The following NIM1K variants were observed in gnomAD, a reference collection of about 807,000 sequenced individuals.
NIM1K encodes serine/threonine-protein kinase NIM1.
In NIM1K, 35 loss-of-function variants were observed where a neutral mutation model predicts 37.1. The ratio of observed to expected loss-of-function variants is 0.94; its 90% CI spans 0.72 to 1.25. The LOEUF (loss-of-function observed/expected upper bound fraction) is 1.25. Ranked by LOEUF, NIM1K falls within the 50% of genes most tolerant of loss-of-function variation. The pLI, the probability that NIM1K is intolerant of heterozygous loss-of-function variation, is 0.00. For missense variants in NIM1K, 564 were observed against 548.0 expected (o/e 1.03, Z -0.29); for synonymous variants, 234 against 206.6 (o/e 1.13, Z -1.14).
chr5:43,252,835 G>A (rs71627593), intron 2 of NIM1K, among the ~76,000 whole-genome samples: 6,860 of 152,146 alleles, frequency 0.045, 185 homozygotes, highest in Middle Eastern at 0.12. Flanking sequence ...AAAAGAAGTG[G>A]CAGCGAATGT....
At chr5:43,272,337 T>A (rs952234288) in intron 2 of NIM1K, among the ~76,000 whole-genome samples, 6 of 151,710 alleles carry the variant, frequency 4.0e-5, no homozygotes, top group Admixed American at 2.0e-4. Flanking sequence ...CAGGAGTACA[T>A]CCCCCTGTTT....
intron 1 of NIM1K, among the ~76,000 whole-genome samples, chr5:43,216,166 A>T (rs1245482806): frequency 2.0e-5 from 3 of 152,022 alleles, no homozygotes; most frequent in African/African-American, 7.3e-5. Context: ...AAAATGTAGT[A>T]TTGTTTTGTA....
Position 43,280,673 on chromosome 5 carries a change from G to A in NIM1K, c.1255G>A (p.Gly419Arg), listed in dbSNP as rs1430763372. Residue 419 changes from glycine to arginine, a missense_variant, in exon 4 of 4, where the codon GGG becomes AGG. By Grantham distance (125) the Gly-to-Arg change is moderately radical. Coordinates refer to ENST00000326035, the MANE Select transcript of NIM1K (RefSeq NM_153361.4). ...CCCTAAAGAAAGAGACCTCAAAAAA[G>A]GGTCCCGTGTCTACAGAGGGATAAG... is the stretch of plus-strand genomic sequence containing the variant. ...PDPKERDLKK[G>R]SRVYRGIRHT... 1 of 1,613,356 alleles carries A rather than the reference G, an allele frequency of 6.2e-7. No homozygotes were observed. The highest frequency in any genetic ancestry group is 1.3e-5 in the African/African-American group (1 of 74,838).
chr5:43,279,455 G>C (rs1430003498), intron 3 of NIM1K, among the ~76,000 whole-genome samples: 2 of 152,158 alleles, frequency 1.3e-5, no homozygotes, highest in Non-Finnish European at 1.5e-5. Flanking sequence ...AGGATGCAAG[G>C]GTGGGAGTGG....
chr5:43,213,980 TTTC>T (rs1290959843), intron 1 of NIM1K, among the ~76,000 whole-genome samples: 4 of 144,380 alleles, frequency 2.8e-5, no homozygotes, highest in African/African-American at 9.9e-5. Context: ...CTTCTCTTTC[TTTC>T]TTTTTTTTTT....
intron 1 of NIM1K, among the ~76,000 whole-genome samples, chr5:43,208,361 T>C (rs563461608): frequency 2.6e-5 from 4 of 151,980 alleles, no homozygotes; most frequent in African/African-American, 9.6e-5. Context: ...TCCCAACACT[T>C]TGGGAGGCCG....
At chr5:43,264,114 A>G (rs1360679736) in intron 2 of NIM1K, among the ~76,000 whole-genome samples, 1 of 152,198 alleles carries the variant, frequency 6.6e-6, no homozygotes, top group African/African-American at 2.4e-5. Context: ...TGGGGTCGAG[A>G]GTTCTGTAGA....
At chr5:43,228,824 G>A (rs1398782605) in intron 1 of NIM1K, among the ~76,000 whole-genome samples, 3 of 151,806 alleles carry the variant, frequency 2.0e-5, no homozygotes, top group East Asian at 1.9e-4. Context: ...GAATGAGACC[G>A]TGTCTCAAAA....
chr5:43,198,207 C>CTCTCTCTTTCTT (rs1751957390), intron 1 of NIM1K, among the ~76,000 whole-genome samples: 3 of 48,904 alleles, frequency 6.1e-5, no homozygotes, highest in South Asian at 8.7e-4. Flanking sequence ...TTCTTTCTTT[C>CTCTCTCTTTCTT]TCTTTCTTTC....
intron 2 of NIM1K, among the ~76,000 whole-genome samples, chr5:43,260,539 T>C (rs1395671610): frequency 6.6e-6 from 1 of 152,184 alleles, no homozygotes; most frequent in Non-Finnish European, 1.5e-5. Context: ...TATGGTTTTG[T>C]TTTTAATTCT....
intron 1 of NIM1K, among the ~76,000 whole-genome samples, chr5:43,229,616 T>A (rs1752509228): frequency 7.2e-6 from 1 of 139,702 alleles, no homozygotes; most frequent in African/African-American, 2.6e-5. Context: ...ATCTGTATCT[T>A]TTTTTTCTTT....
intron 2 of NIM1K, among the ~76,000 whole-genome samples, chr5:43,264,814 G>A (rs1753097070): frequency 6.6e-6 from 1 of 152,140 alleles, no homozygotes. Context: ...AGGCAGGCCT[G>A]GTGGTGACAA....
intron 1 of NIM1K, among the ~76,000 whole-genome samples, chr5:43,198,130 G>GATTT (rs1183565298): frequency 4.2e-4 from 59 of 141,376 alleles, no homozygotes; most frequent in South Asian, 9.1e-4. Context: ...TGGCCAATAT[G>GATTT]ATTTCTTTCT....
intron 2 of NIM1K, among the ~76,000 whole-genome samples, chr5:43,251,958 A>G (rs1234167278): frequency 1.3e-5 from 2 of 152,186 alleles, no homozygotes; most frequent in Non-Finnish European, 2.9e-5. Flanking sequence ...CACGTGGGCC[A>G]CTACTGTCTC....
chr5:43,230,885 C>T (rs142192253), intron 1 of NIM1K, among the ~76,000 whole-genome samples: 8 of 152,360 alleles, frequency 5.3e-5, no homozygotes, highest in Middle Eastern at 3.4e-3. Context: ...GTACGCACTA[C>T]GTGCATATGC....
chr5:43,260,261 A>T (rs1426439482), intron 2 of NIM1K, among the ~76,000 whole-genome samples: 1 of 152,148 alleles, frequency 6.6e-6, no homozygotes, highest in Non-Finnish European at 1.5e-5. Context: ...TTCCAGTACT[A>T]TGTTGAACAG....
intron 1 of NIM1K, among the ~76,000 whole-genome samples, chr5:43,196,048 G>A (rs868663872): frequency 4.5e-4 from 69 of 152,098 alleles, no homozygotes; most frequent in Non-Finnish European, 7.4e-5. Context: ...AGGCCTTAGC[G>A]GCAGATCTTA....
chr5:43,273,213 C>CT lies in NIM1K; in HGVS notation c.293-3836dup, dbSNP rs978291604. Among the ~76,000 whole-genome samples, 26 of 141,670 alleles carry CT rather than the reference C, an allele frequency of 1.8e-4. 1 individual carries two copies. Among genetic ancestry groups the CT allele is most frequent in the African/African-American group, 6.1e-4 (23 of 37,654 alleles). The allele number at this position is 141,670 out of a possible 152,430, so 92.9% of individuals were successfully genotyped here. A position where few individuals can be genotyped will look rare whatever the true frequency, so the allele number is the denominator to read the frequency against. On this transcript the variant is annotated intron_variant, in intron 2 of 3. Transcript: ENST00000326035. ...CTTGCCAGAGTGCTTTTTTTTTTTT[C>CT]TTTTTTTTGAGGTGGAGTCTCACTC...
At chr5:43,260,457 A>G (rs2112282919) in intron 2 of NIM1K, among the ~76,000 whole-genome samples, 1 of 152,254 alleles carries the variant, frequency 6.6e-6, no homozygotes, top group South Asian at 2.1e-4. Context: ...GGGTTTTGTC[A>G]TGACATTGTT....
Sources: allele counts gnomAD v4.1 joint callset (sites outside exome capture counted in the v4.1 genomes callset), GRCh38; gene constraint gnomAD v4.1.1; transcripts MANE v1.5; gene names NCBI Gene and HGNC (gene_info 2026-07-23, HGNC 2026-07-21).